The following NLK variants were observed in gnomAD, a reference collection of about 807,000 sequenced individuals.
NLK encodes the protein serine/threonine-protein kinase NLK.
A neutral mutation model predicts 59.0 loss-of-function variants in NLK; 11 were observed. The observed-to-expected ratio is 0.19, with a 90% confidence interval of 0.12 to 0.31. NLK has a LOEUF of 0.31. Ranked by LOEUF, NLK falls within the 10% of genes least tolerant of loss-of-function variation. NLK has a pLI of 1.00. For synonymous variants in NLK, 235 were observed against 235.9 expected (o/e 1.00, Z 0.03); for missense variants, 410 against 661.1 (o/e 0.62, Z 4.16).
At chr17:28,104,213 T>C (rs1215403227) in intron 1 of NLK, among the ~76,000 whole-genome samples, 1 of 152,184 alleles carries the variant, frequency 6.6e-6, no homozygotes, top group Non-Finnish European at 1.5e-5. Flanking sequence ...TTTTGCTTTA[T>C]CAAAGTGGGG....
intron 2 of NLK, among the ~76,000 whole-genome samples, chr17:28,127,246 T>G (rs1451931000): frequency 6.6e-6 from 1 of 152,204 alleles, no homozygotes; most frequent in African/African-American, 2.4e-5. Flanking sequence ...GGGTTACTTT[T>G]TCTTGTCCTA....
At chr17:28,099,259 T>C (rs955995428) in intron 1 of NLK, among the ~76,000 whole-genome samples, 6 of 152,134 alleles carry the variant, frequency 3.9e-5, no homozygotes, top group Non-Finnish European at 8.8e-5. Context: ...TTGTGTTCCT[T>C]TTTTAAAATT....
intron 1 of NLK, among the ~76,000 whole-genome samples, chr17:28,052,156 T>C (rs1313287144): frequency 6.6e-6 from 1 of 152,242 alleles, no homozygotes; most frequent in East Asian, 1.9e-4. Flanking sequence ...ACTATTTTCC[T>C]GATAATATTT....
intron 1 of NLK, among the ~76,000 whole-genome samples, chr17:28,077,827 A>G (rs950476866): frequency 2.0e-5 from 3 of 152,164 alleles, no homozygotes; most frequent in Non-Finnish European, 2.9e-5. Flanking sequence ...TCATGTTTTT[A>G]TAGTATTAAC....
intron 1 of NLK, among the ~76,000 whole-genome samples, chr17:28,043,938 T>C (rs927006393): frequency 2.0e-5 from 3 of 152,198 alleles, no homozygotes; most frequent in Non-Finnish European, 4.4e-5. Flanking sequence ...GCATTAAATA[T>C]AGCATCACAC....
At chr17:28,053,889 T>C (rs1909348772) in intron 1 of NLK, among the ~76,000 whole-genome samples, 1 of 152,216 alleles carries the variant, frequency 6.6e-6, no homozygotes, top group African/African-American at 2.4e-5. Flanking sequence ...TTTATTTCAC[T>C]GTATTATCTT....
At chr17:28,093,391 G>T (rs577169069) in intron 1 of NLK, among the ~76,000 whole-genome samples, 1 of 152,062 alleles carries the variant, frequency 6.6e-6, no homozygotes, top group South Asian at 2.1e-4. Flanking sequence ...ACCTTTTGTG[G>T]GCGATCTCCA....
At chr17:28,136,843 T>G (rs1326466414) in intron 3 of NLK, among the ~76,000 whole-genome samples, 2 of 151,890 alleles carry the variant, frequency 1.3e-5, no homozygotes, top group African/African-American at 4.8e-5. Flanking sequence ...CCACAGGTGA[T>G]CTGCCGCTTT....
intron 1 of NLK, among the ~76,000 whole-genome samples, chr17:28,084,579 T>C (rs1910450373): frequency 6.6e-6 from 1 of 152,052 alleles, no homozygotes; most frequent in Non-Finnish European, 1.5e-5. Flanking sequence ...CTTTTTTTTT[T>C]TCGAGATGGA....
chr17:28,129,250 C>T (rs1319201081), intron 2 of NLK, among the ~76,000 whole-genome samples: 1 of 152,050 alleles, frequency 6.6e-6, no homozygotes, highest in South Asian at 2.1e-4. Flanking sequence ...GTCAGGAGTT[C>T]GATACCAGCC....
At chr17:28,046,787 A>AT (rs1909071598) in intron 1 of NLK, among the ~76,000 whole-genome samples, 1 of 152,200 alleles carries the variant, frequency 6.6e-6, no homozygotes, top group African/African-American at 2.4e-5. Flanking sequence ...GCAACTTAAC[A>AT]TATCAGAGAT....
At chr17:28,167,413 T>G (rs1205180243) in intron 5 of NLK, among the ~76,000 whole-genome samples, 1 of 151,348 alleles carries the variant, frequency 6.6e-6, no homozygotes, top group Non-Finnish European at 1.5e-5. Flanking sequence ...TTTTTTTTTT[T>G]AATTGTTTGT....
intron 3 of NLK, among the ~76,000 whole-genome samples, chr17:28,139,879 T>G (rs1906913390): frequency 6.6e-6 from 1 of 152,102 alleles, no homozygotes; most frequent in Non-Finnish European, 1.5e-5. Context: ...GGGGCAGAGA[T>G]GAGCTGTAAA....
rs76324657 is a variant in NLK at position 28,112,236 on chromosome 17, G to C, written c.459-10367G>C. ...CCAGGACAGCAGCCTTTGAATAACA[G>C]AGCTATAGGCTTTCTCTGTTCTTTT... On this transcript the variant is annotated intron_variant, in intron 1 of 10. Transcript: ENST00000407008. 5.8e-3 allele frequency among the ~76,000 whole-genome samples: 890 copies of C among 152,142 alleles called. 10 individuals are homozygous for C. The highest frequency in any genetic ancestry group is 0.021 in the African/African-American group (851 of 41,480).
chr17:28,109,832 T>G (rs1180456282), intron 1 of NLK, among the ~76,000 whole-genome samples: 1 of 152,254 alleles, frequency 6.6e-6, no homozygotes. Context: ...ATTTCCCCTG[T>G]GTAGACACCT....
chr17:28,141,746 C>A (rs919063049), intron 3 of NLK, among the ~76,000 whole-genome samples: 6 of 152,158 alleles, frequency 3.9e-5, no homozygotes, highest in South Asian at 4.1e-4. Flanking sequence ...TCATCCCTTA[C>A]CTTCTGAATG....
intron 1 of NLK, among the ~76,000 whole-genome samples, chr17:28,089,835 T>A (rs1477425688): frequency 1.3e-5 from 2 of 152,224 alleles, no homozygotes; most frequent in African/African-American, 4.8e-5. Flanking sequence ...CCTTATGTCT[T>A]CTTTGCTGAA....
At chr17:28,128,929 A>G (rs980918630) in intron 2 of NLK, among the ~76,000 whole-genome samples, 2 of 152,242 alleles carry the variant, frequency 1.3e-5, no homozygotes, top group Non-Finnish European at 2.9e-5. Flanking sequence ...CTGAATAAGT[A>G]CTTTGTGATA....
At chr17:28,054,566 A>G (rs1909372689) in intron 1 of NLK, among the ~76,000 whole-genome samples, 1 of 152,240 alleles carries the variant, frequency 6.6e-6, no homozygotes, top group South Asian at 2.1e-4. Flanking sequence ...ATGTTATAAT[A>G]TTCACTTAGT....
Sources: gnomAD v4.1 joint callset for allele counts (sites outside exome capture counted in the v4.1 genomes callset) on GRCh38, gnomAD v4.1.1 for gene constraint, MANE v1.5 for transcripts, NCBI Gene and HGNC (gene_info 2026-07-23, HGNC 2026-07-21) for gene names.